The following SBF1 variants were observed in gnomAD, a reference collection of about 807,000 sequenced individuals.
SBF1 encodes myotubularin-related protein 5.
SBF1 carries 65 observed loss-of-function variants against 215.8 expected under a neutral mutation model. That is an observed-to-expected ratio of 0.30 (90% CI 0.25 to 0.37). The LOEUF is 0.37. Among genes scored for constraint, SBF1 ranks in the 10% least tolerant of loss-of-function variants. The probability of loss-of-function intolerance (pLI) is 1.00; values close to 1 mark genes in which losing one functional copy is unlikely to be tolerated. For synonymous variants in SBF1, 1,410 were observed against 1,122.8 expected (o/e 1.26, Z -5.11); for missense variants, 2,634 against 2,667.8 (o/e 0.99, Z 0.28).
rs2066780088 is a variant in SBF1, at chr22:50,445,607, C to T, written c.*1535G>A. The T allele has an allele frequency of 6.6e-6, 1 of 152,364 alleles. No individual in the cohort carries two copies. The highest frequency in any genetic ancestry group is 1.5e-5 in the Non-Finnish European group (1 of 68,132). The allele number at this position is 152,364 out of a possible 1,614,324, so 9.4% of individuals were successfully genotyped here. On this transcript the variant is annotated 3_prime_UTR_variant, in exon 41 of 41. Coordinates refer to ENST00000380817, the MANE Select transcript of SBF1 (RefSeq NM_002972.4). ...CAGGGAGGGCAGGGTCCTTTCTCCC[C>T]TTACTCTGACCTGTGGGTTTTCCAG... is the stretch of plus-strand genomic sequence containing the variant.
Position 50,462,438 on chromosome 22 carries a change from G to C in SBF1, c.2163C>G (p.Arg721=). 6.2e-7 allele frequency: 1 copy of C among 1,613,972 alleles called. No homozygotes were observed. The highest frequency in any genetic ancestry group is 8.5e-7 in the Non-Finnish European group (1 of 1,179,992). ...GCTCAGAAGCCACGTCTAGGGCAGAGCGCTCGTCCTCCTGGGAAGGTGCCT... is the reference window on the plus strand; with the variant it reads ...GCTCAGAAGCCACGTCTAGGGCAGACCGCTCGTCCTCCTGGGAAGGTGCCT... ...VGEAPSQEDE[R]SALDVASEQR... Residue 721 remains arginine, a synonymous_variant, in exon 19 of 41, where the codon CGC becomes CGG. Coordinates refer to ENST00000380817, the MANE Select transcript of SBF1 (RefSeq NM_002972.4).
At position 50,467,854 on chromosome 22, in the gene SBF1, T is replaced by C; in HGVS notation, c.211A>G (p.Thr71Ala). The change falls in exon 3 of 41, where the codon ACC (threonine) becomes GCC (alanine). Residue 71 changes from threonine (T) to alanine (A), a missense_variant. Transcript: ENST00000380817. ...TAGTGGCGCTCGGAGTTGATGTCGG[T>C]GAGGACAGCAACAAAGAAGGTCGGT... ...NPPTFFVAVLTDINSERHYCA... is the reference protein window; with the variant it reads ...NPPTFFVAVLADINSERHYCA... 1 of 1,613,950 alleles carries C rather than the reference T, an allele frequency of 6.2e-7. No homozygotes were observed. The highest frequency in any genetic ancestry group is 8.5e-7 in the Non-Finnish European group (1 of 1,179,964).
At position 50,447,309 on chromosome 22, in the gene SBF1, G is replaced by A. The variant is rs368438083; in HGVS notation, c.5583+13C>T. ...GAGCCCCTCCCCTCTCCCAAGCCCC[G>A]GCCAAGGCTCACGTCAAAGAAGGCC... On this transcript the variant is annotated intron_variant, in intron 40 of 40. Coordinates refer to ENST00000380817, the MANE Select transcript of SBF1 (RefSeq NM_002972.4). The A allele has an allele frequency of 6.2e-5, 100 of 1,611,630 alleles. No homozygotes were observed. Among genetic ancestry groups the A allele is most frequent in the African/African-American group, 4.3e-4 (32 of 74,926 alleles).
At chr22:50,453,409 T>A (rs2067124067) in intron 36 of SBF1, among the ~76,000 whole-genome samples, 2 of 152,190 alleles carry the variant, frequency 1.3e-5, no homozygotes, top group African/African-American at 4.8e-5. Flanking sequence ...CTGAAATAAA[T>A]GACTCATTTA....
chr22:50,464,053 G>C (rs1290801301), intron 15 of SBF1, among the ~76,000 whole-genome samples: 1 of 152,214 alleles, frequency 6.6e-6, no homozygotes, highest in Non-Finnish European at 1.5e-5. Flanking sequence ...TAAGGGGAAG[G>C]ACACAGACGA....
At chr22:50,448,078 T>C (rs572088362) in intron 38 of SBF1, among the ~76,000 whole-genome samples, 155 bp downstream of exon 38, 40 of 152,302 alleles carry the variant, frequency 2.6e-4, no homozygotes, top group African/African-American at 8.9e-4. Flanking sequence ...TGGTCAGCTG[T>C]GGTCACCAGT....
Position 50,474,932 on chromosome 22 carries a change from G to T in SBF1, c.-92C>A. 1 of 952,632 alleles carries T rather than the reference G, an allele frequency of 1.0e-6. No homozygotes were observed. Among genetic ancestry groups the T allele is most frequent in the Non-Finnish European group, 1.4e-6 (1 of 733,062 alleles). 59.0% of individuals were successfully genotyped at this position (952,632 alleles called of 1,614,324 possible). ...GCGCTCATGGCCCGGCCCCGGCCCT[G>T]GACCGCGCACCCCGGACACCCCTGG... On this transcript the variant is annotated 5_prime_UTR_variant, in exon 1 of 41. Transcript: ENST00000380817.
At chr22:50,459,752 C>T in intron 26 of SBF1, 86 bp from the exon 27 acceptor site, 3 of 1,411,626 alleles carry the variant, frequency 2.1e-6, no homozygotes, top group Non-Finnish European at 2.8e-6. Context: ...GGAGCCAGCC[C>T]ATGGCTCCCA....
chr22:50,468,440 T>C lies in SBF1; in HGVS notation c.77A>G (p.Gln26Arg). Residue 26 changes from glutamine to arginine, a missense_variant, in exon 2 of 41, where the codon CAG (glutamine) becomes CGG (arginine). Coordinates refer to ENST00000380817, the MANE Select transcript of SBF1 (RefSeq NM_002972.4). ...HPRGSGEGQG[Q>R]ILQRFPEKDW... ...CTTCTCTGGGAAGCGCTGCAGAATCTGGCCCTGGCCTTCCCCACTCCCTGA... is the reference window on the plus strand; with the variant it reads ...CTTCTCTGGGAAGCGCTGCAGAATCCGGCCCTGGCCTTCCCCACTCCCTGA... The C allele has an allele frequency of 6.2e-7, 1 of 1,609,580 alleles. No individual in the cohort carries two copies. Among genetic ancestry groups the C allele is most frequent in the Non-Finnish European group, 8.5e-7 (1 of 1,177,664 alleles).
Position 50,459,669 on chromosome 22 carries a change from G to A in SBF1, c.3492-3C>T. 6.2e-7 allele frequency: 1 copy of A among 1,601,352 alleles called. No individual in the cohort carries two copies. Among genetic ancestry groups the A allele is most frequent in the South Asian group, 1.1e-5 (1 of 89,980 alleles). Reference sequence around the variant, plus strand: ...GCACGATCAGCAGCCCTGGGTAGCTGAGAGGAGGCAGAGGCGTGAAGGTGG... The same window carrying A: ...GCACGATCAGCAGCCCTGGGTAGCTAAGAGGAGGCAGAGGCGTGAAGGTGG... On this transcript the variant is annotated splice_region_variant and splice_polypyrimidine_tract_variant and intron_variant, in intron 26 of 40. Coordinates refer to ENST00000380817, the MANE Select transcript of SBF1 (RefSeq NM_002972.4).
chr22:50,449,649 CACACACA>C (rs1353023146), intron 36 of SBF1, among the ~76,000 whole-genome samples: 70 of 146,554 alleles, frequency 4.8e-4, no homozygotes, highest in African/African-American at 1.7e-3. Context: ...CACACACACA[CACACACA>C]CCCCAAAATG....
Position 50,455,399 on chromosome 22 carries a change from A to G in SBF1, c.4379T>C (p.Leu1460Ser). 6.2e-7 allele frequency: 1 copy of G among 1,612,320 alleles called. No homozygotes were observed. The highest frequency in any genetic ancestry group is 8.5e-7 in the Non-Finnish European group (1 of 1,179,224). Residue 1460 changes from leucine (L) to serine (S), a missense_variant, in exon 33 of 41, where the codon TTG becomes TCG. Coordinates refer to ENST00000380817, the MANE Select transcript of SBF1 (RefSeq NM_002972.4). ...GAAGGGGTCTGAGAGCAGCTGCACC[A>G]AGGATACCACCTGCCAGCACCGCCA... ...GWDITTQVVS[L>S]VQLLSDPFYR...
In SBF1 at chr22:50,446,035, C is replaced by G. The variant is rs1178140601; in HGVS notation, c.*1107G>C. ...GATGTTCTCTTGGCCTTTGCAGCGT[C>G]TATAACCCTCCCCACCTTCTGCTCC... On this transcript the variant is annotated 3_prime_UTR_variant, in exon 41 of 41. Coordinates refer to ENST00000380817, the MANE Select transcript of SBF1 (RefSeq NM_002972.4). The G allele has an allele frequency of 1.3e-5, 2 of 153,668 alleles. No individual in the cohort carries two copies. Among genetic ancestry groups the G allele is most frequent in the Non-Finnish European group, 2.9e-5 (2 of 69,204 alleles). 9.5% of individuals were successfully genotyped at this position (153,668 alleles called of 1,614,324 possible).
intron 16 of SBF1, 128 bp downstream of exon 16, chr22:50,463,155 G>A (rs1359162935): frequency 3.8e-6 from 5 of 1,308,864 alleles, no homozygotes; most frequent in Non-Finnish European, 5.4e-6. Flanking sequence ...TGCAGACCGA[G>A]GACCCCTGCC....
intron 1 of SBF1, 83 bp from the exon 2 acceptor site, chr22:50,468,544 C>T: frequency 8.3e-6 from 7 of 845,128 alleles, no homozygotes; most frequent in South Asian, 1.8e-5. Flanking sequence ...TGGAAACATT[C>T]CCACCCACTG....
At position 50,461,245 on chromosome 22, in the gene SBF1, G is replaced by C; in HGVS notation, c.2881C>G (p.Leu961Val). Residue 961 changes from leucine to valine, a missense_variant, in exon 23 of 41, where the codon CTG becomes GTG. Transcript: ENST00000380817. ...ACGCTGATGCGCTTCTCCTTGGTCA[G>C]CGCAGCCACCGGGAAGGAGCGGACC... ...VVVRSFPVAA[L>V]TKEKRISVQT... The C allele has an allele frequency of 6.2e-7, 1 of 1,612,730 alleles. No homozygotes were observed.
chr22:50,466,857 C>T (rs749690686), intron 5 of SBF1, 147 bp from the exon 6 acceptor site: 51 of 604,798 alleles, frequency 8.4e-5, no homozygotes, highest in African/African-American at 6.2e-4. Context: ...AAGAGGGAAA[C>T]GCCATGCCCT....
rs528062695 is a variant in SBF1 at position 50,474,773 on chromosome 22, C to A, written c.55+13G>T. 6.8e-7 allele frequency: 1 copy of A among 1,464,026 alleles called. No individual in the cohort carries two copies. Among genetic ancestry groups the A allele is most frequent in the Non-Finnish European group, 9.0e-7 (1 of 1,112,144 alleles). 90.7% of individuals were successfully genotyped at this position (1,464,026 alleles called of 1,614,324 possible). ...TCGGCCCCCGGCCCTCAGCGCTTGG[C>A]CTCGGCACTCACCGCGCGGGTGCGG... On this transcript the variant is annotated intron_variant, in intron 1 of 40. Transcript: ENST00000380817.
Position 50,467,331 on chromosome 22 carries a change from A to C in SBF1, c.549+7T>G. 6.2e-7 allele frequency: 1 copy of C among 1,612,920 alleles called. No individual in the cohort carries two copies. The highest frequency in any genetic ancestry group is 8.5e-7 in the Non-Finnish European group (1 of 1,179,146). On this transcript the variant is annotated splice_region_variant and intron_variant, in intron 5 of 40. Transcript: ENST00000380817. ...CTGTGCAGATACCAGCTGCCTCCAA[A>C]ACTCACCTGCGAGCCCCCAGCCAGG...
Sources: allele counts gnomAD v4.1 joint callset (sites outside exome capture counted in the v4.1 genomes callset), GRCh38; gene constraint gnomAD v4.1.1; transcripts MANE v1.5; gene names NCBI Gene and HGNC (gene_info 2026-07-23, HGNC 2026-07-21).